The following TMEM232 variants were observed in gnomAD, a reference collection of about 807,000 sequenced individuals.
TMEM232 encodes transmembrane protein 232.
In TMEM232, 80 loss-of-function variants were observed where a neutral mutation model predicts 78.8. That is an observed-to-expected ratio of 1.01 (90% CI 0.85 to 1.22). The LOEUF (loss-of-function observed/expected upper bound fraction) is 1.22. TMEM232 is among the 50% of genes most tolerant of loss of function. The probability of loss-of-function intolerance (pLI) is 0.00; values close to 1 mark genes in which losing one functional copy is unlikely to be tolerated. For missense variants in TMEM232, 881 were observed against 742.2 expected, an observed-to-expected ratio of 1.19 and a Z score of -2.17; for synonymous variants, 297 against 254.3, an observed-to-expected ratio of 1.17 and a Z score of -1.60.
chr5:110,421,845 A>T (rs1016995280), intron 13 of TMEM232, among the ~76,000 whole-genome samples: 3 of 152,234 alleles, frequency 2.0e-5, no homozygotes, highest in African/African-American at 7.2e-5. Flanking sequence ...AATAATATCA[A>T]ATCCATTATT....
chr5:110,512,885 C>T (rs746647358), intron 12 of TMEM232, among the ~76,000 whole-genome samples: 1 of 152,090 alleles, frequency 6.6e-6, no homozygotes, highest in Non-Finnish European at 1.5e-5. Context: ...TTAAATCTCA[C>T]CAAGATCATT....
chr5:110,644,989 G>C (rs899144098), intron 2 of TMEM232, among the ~76,000 whole-genome samples: 2 of 151,230 alleles, frequency 1.3e-5, no homozygotes, highest in Admixed American at 1.3e-4. Context: ...TAGAAGAAAT[G>C]AATAAATTCC....
chr5:110,731,616 C>A (rs1200025705), upstream of TMEM232, among the ~76,000 whole-genome samples: 3 of 151,558 alleles, frequency 2.0e-5, no homozygotes, highest in East Asian at 3.9e-4. Flanking sequence ...AAGCCACAGC[C>A]CAAGCTCTAC....
chr5:110,710,315 A>C lies in TMEM232; in HGVS notation c.-13+16312T>G, dbSNP rs536013295. Among the ~76,000 whole-genome samples, 52 of 152,284 alleles carry C rather than the reference A, an allele frequency of 3.4e-4. No individual in the cohort carries two copies. In the South Asian group the frequency reaches 0.011, roughly 31 times the overall value. On this transcript the variant is annotated intron_variant, in intron 1 of 13. Transcript: ENST00000455884. The stretch of plus-strand genomic sequence containing the variant: ...AATGGTTTCACTGCTGAATTCTATC[A>C]AACATTTAAAGAAGAATACCACTGT...
intron 12 of TMEM232, among the ~76,000 whole-genome samples, chr5:110,458,240 C>T (rs769906037): frequency 1.3e-5 from 2 of 151,584 alleles, no homozygotes; most frequent in South Asian, 2.1e-4. Flanking sequence ...TCTTCCTTTG[C>T]GCAATTTTCT....
rs1321806161 is a variant in TMEM232, at chr5:110,638,352, G to T, written c.347C>A (p.Ser116Tyr). The T allele has an allele frequency of 6.5e-7, 1 of 1,527,642 alleles. No homozygotes were observed. The allele number at this position is 1,527,642 out of a possible 1,614,324, so 94.6% of individuals were successfully genotyped here. A position where few individuals can be genotyped will look rare whatever the true frequency, so the allele number is the denominator to read the frequency against. ...AQCKGEIQDE[S>Y]LNMLYASLDH... ...CAGAGATGCATAAAGCATATTTAAA[G>T]ATTCTGAAATATTAAAAATATAGAA... Residue 116 changes from serine (S) to tyrosine (Y), a missense_variant, in exon 5 of 14, where the codon TCT (serine) becomes TAT (tyrosine). Coordinates refer to ENST00000455884, the MANE Select transcript of TMEM232 (RefSeq NM_001039763.4).
At chr5:110,623,156 T>TA (rs1237403256) in intron 7 of TMEM232, among the ~76,000 whole-genome samples, 6 of 152,056 alleles carry the variant, frequency 3.9e-5, no homozygotes, top group Non-Finnish European at 8.8e-5. Flanking sequence ...CTGGATCACT[T>TA]AAAAAGACAT....
intron 12 of TMEM232, among the ~76,000 whole-genome samples, chr5:110,492,311 TAAC>T (rs926921398): frequency 1.1e-4 from 16 of 152,000 alleles, no homozygotes; most frequent in African/African-American, 3.9e-4. Flanking sequence ...ATGCAAAATG[TAAC>T]AAAACATAAG....
chr5:110,448,145 G>A (rs1468550185), intron 12 of TMEM232, among the ~76,000 whole-genome samples: 1 of 151,986 alleles, frequency 6.6e-6, no homozygotes, highest in Non-Finnish European at 1.5e-5. Context: ...ATTAGTTTAT[G>A]TATATAAAGA....
chr5:110,734,784 CAAAAG>C (rs1580832562), intron 2 of TMEM232: 1 of 152,058 alleles, frequency 6.6e-6, no homozygotes, highest in Non-Finnish European at 1.5e-5. Flanking sequence ...TTTACAAAAA[CAAAAG>C]AAAACAAAAA....
intron 12 of TMEM232, chr5:110,514,036 T>A (rs1768202893): frequency 6.0e-6 from 1 of 167,488 alleles, no homozygotes; most frequent in South Asian, 2.0e-4. Context: ...CCCATTTATT[T>A]AAACTCAATT....
At chr5:110,723,296 C>T (rs115142475) in intron 1 of TMEM232, among the ~76,000 whole-genome samples, 1,968 of 152,132 alleles carry the variant, frequency 0.013, 16 homozygotes, top group Non-Finnish European at 0.021. Flanking sequence ...TGACACATAA[C>T]CTGAAGTCTA....
At chr5:110,718,949 G>C (rs964323745) in intron 1 of TMEM232, among the ~76,000 whole-genome samples, 3 of 151,844 alleles carry the variant, frequency 2.0e-5, no homozygotes, top group African/African-American at 7.3e-5. Flanking sequence ...CATTTATATA[G>C]TTATATGTCA....
chr5:110,688,238 C>G (rs1793672068), intron 1 of TMEM232, among the ~76,000 whole-genome samples: 1 of 152,092 alleles, frequency 6.6e-6, no homozygotes, highest in African/African-American at 2.4e-5. Context: ...TACATAGAGA[C>G]ATAGGTAGTT....
At chr5:110,671,203 A>T (rs1183905970) in intron 1 of TMEM232, among the ~76,000 whole-genome samples, 1 of 152,140 alleles carries the variant, frequency 6.6e-6, no homozygotes, top group Admixed American at 6.6e-5. Flanking sequence ...AATGAGATAC[A>T]ATCTCACACC....
intron 11 of TMEM232, among the ~76,000 whole-genome samples, chr5:110,546,716 A>G (rs1205766533): frequency 1.3e-5 from 2 of 152,124 alleles, no homozygotes; most frequent in Non-Finnish European, 2.9e-5. Flanking sequence ...ATGTTCCCTA[A>G]TTCACATGGA....
chr5:110,540,974 A>G (rs1311435664), intron 11 of TMEM232, among the ~76,000 whole-genome samples: 3 of 152,174 alleles, frequency 2.0e-5, no homozygotes, highest in Non-Finnish European at 2.9e-5. Flanking sequence ...AGCACAAGGG[A>G]ACAGCAAGTC....
At chr5:110,400,673 C>T (rs1402867837) in intron 2 of TMEM232, among the ~76,000 whole-genome samples, 2 of 151,644 alleles carry the variant, frequency 1.3e-5, no homozygotes, top group South Asian at 2.1e-4. Flanking sequence ...ACCTGGGGTA[C>T]AAGAAAGTGA....
At chr5:110,407,811 T>C (rs908468801) in intron 2 of TMEM232, among the ~76,000 whole-genome samples, 10 of 152,232 alleles carry the variant, frequency 6.6e-5, no homozygotes, top group African/African-American at 1.9e-4. Flanking sequence ...TTTAAAAATA[T>C]ATATCAAGTA....
Sources: gnomAD v4.1 joint callset for allele counts (sites outside exome capture counted in the v4.1 genomes callset) on GRCh38, gnomAD v4.1.1 for gene constraint, MANE v1.5 for transcripts, NCBI Gene and HGNC (gene_info 2026-07-23, HGNC 2026-07-21) for gene names.